ADGRL3: variants seen among roughly 807,000 people sequenced by gnomAD.
ADGRL3 encodes calcium-independent alpha-latrotoxin receptor 3.
Under a neutral mutation model 153.5 loss-of-function variants are expected in ADGRL3, and 62 were observed. The ratio of observed to expected loss-of-function variants is 0.40; its 90% CI spans 0.33 to 0.50. The LOEUF is 0.50. Ranked by LOEUF, ADGRL3 falls within the 20% of genes least tolerant of loss-of-function variation. The pLI, the probability that ADGRL3 is intolerant of heterozygous loss-of-function variation, is 0.47. For synonymous variants in ADGRL3, 710 were observed against 672.5 expected (o/e 1.06, Z -0.86); for missense variants, 1,641 against 1,859.4 (o/e 0.88, Z 2.16).
chr4:61,677,042 G>GA lies in ADGRL3; in HGVS notation c.583+113dup, dbSNP rs1346313748. The GA allele has an allele frequency of 3.9e-6, 3 of 778,146 alleles. No individual in the cohort carries two copies. The East Asian group carries it at 7.5e-5, about 19-fold the overall frequency. 48.2% of individuals were successfully genotyped at this position (778,146 alleles called of 1,614,324 possible). The stretch of plus-strand genomic sequence containing the variant: ...AAAACATAAATCACGTAAATTAAAT[G>GA]AAAAAATTGGCTAATATTAATTTTT... On this transcript the variant is annotated intron_variant, in intron 6 of 26. Coordinates refer to ENST00000683033, the MANE Select transcript of ADGRL3 (RefSeq NM_001387552.1).
chr4:61,324,127 T>C (rs2150824196), intron 1 of ADGRL3, among the ~76,000 whole-genome samples: 1 of 152,204 alleles, frequency 6.6e-6, no homozygotes, highest in South Asian at 2.1e-4. Flanking sequence ...ACAAGAACAC[T>C]GCCCCCATGA....
At chr4:61,974,906 C>G (rs116304824) in intron 17 of ADGRL3, among the ~76,000 whole-genome samples, 2 of 152,048 alleles carry the variant, frequency 1.3e-5, no homozygotes, top group African/African-American at 4.8e-5. Context: ...GGAAGAGTCC[C>G]AAGGACTGTT....
intron 5 of ADGRL3, among the ~76,000 whole-genome samples, chr4:61,645,770 T>A (rs2093948774): frequency 6.6e-6 from 1 of 151,920 alleles, no homozygotes; most frequent in Admixed American, 6.6e-5. Context: ...TGTCTTGGAG[T>A]TGCTCTTCTT....
chr4:61,329,323 T>G (rs1236762321), intron 1 of ADGRL3, among the ~76,000 whole-genome samples: 2 of 152,188 alleles, frequency 1.3e-5, no homozygotes, highest in East Asian at 1.9e-4. Flanking sequence ...TTGTATTATT[T>G]CTTGTACTTA....
At chr4:61,536,125 ATGT>A (rs1360694024) in intron 4 of ADGRL3, among the ~76,000 whole-genome samples, 2 of 151,916 alleles carry the variant, frequency 1.3e-5, no homozygotes, top group Non-Finnish European at 2.9e-5. Flanking sequence ...TGCTGCCTTA[ATGT>A]TGTTGTTTAT....
At chr4:61,635,337 G>A (rs1331588373) in intron 5 of ADGRL3, among the ~76,000 whole-genome samples, 5 of 152,100 alleles carry the variant, frequency 3.3e-5, no homozygotes, top group African/African-American at 7.2e-5. Context: ...TCTTCCATTC[G>A]GGGAGGGAGA....
intron 11 of ADGRL3, among the ~76,000 whole-genome samples, chr4:61,903,929 AT>A (rs563626463): frequency 6.0e-5 from 9 of 149,142 alleles, no homozygotes; most frequent in South Asian, 2.1e-4. Context: ...GCCCTGAGAA[AT>A]TTTTTTTTTC....
chr4:61,662,521 G>A (rs1330502064), intron 5 of ADGRL3, among the ~76,000 whole-genome samples: 1 of 152,228 alleles, frequency 6.6e-6, no homozygotes, highest in Non-Finnish European at 1.5e-5. Context: ...GGGTGCCAAT[G>A]AGCATGGGAG....
chr4:61,385,451 T>C (rs2096725084), intron 2 of ADGRL3: 1 of 152,216 alleles, frequency 6.6e-6, no homozygotes, highest in Non-Finnish European at 1.5e-5. Flanking sequence ...CACCCCTTGC[T>C]CTTTCACAAA....
rs184292520 is a variant in ADGRL3, at chr4:61,485,281, G to C, written c.-173-11840G>C. ...TGGGAAAATTATATTGCGATATTTT[G>C]TGAATTGCAAAAGAGACCACATTTC... is the stretch of plus-strand genomic sequence containing the variant. On this transcript the variant is annotated intron_variant, in intron 2 of 26. Transcript: ENST00000683033. Among the ~76,000 whole-genome samples, 11 of 152,218 alleles carry C rather than the reference G, an allele frequency of 7.2e-5. No homozygotes were observed. In the East Asian group the frequency reaches 2.1e-3, roughly 29 times the overall value.
At chr4:61,847,353 A>G (rs2098129067) in intron 9 of ADGRL3, among the ~76,000 whole-genome samples, 1 of 151,000 alleles carries the variant, frequency 6.6e-6, no homozygotes, top group African/African-American at 2.4e-5. Context: ...AAGAAGTATT[A>G]TACCAAGTTA....
At chr4:61,806,908 CT>C (rs1277098835) in intron 8 of ADGRL3, among the ~76,000 whole-genome samples, 2 of 152,066 alleles carry the variant, frequency 1.3e-5, no homozygotes, top group African/African-American at 2.4e-5. Flanking sequence ...ACAATGTCTG[CT>C]TTGTGTTTGT....
At chr4:62,008,330 G>A (rs536985143) in intron 21 of ADGRL3, among the ~76,000 whole-genome samples, 4 of 151,852 alleles carry the variant, frequency 2.6e-5, no homozygotes, top group African/African-American at 9.7e-5. Flanking sequence ...ATTGAAAAGA[G>A]AGTAGAAATT....
At chr4:61,509,075 A>C (rs2098448018) in intron 3 of ADGRL3, among the ~76,000 whole-genome samples, 1 of 151,276 alleles carries the variant, frequency 6.6e-6, no homozygotes. Flanking sequence ...ATGGGAGTAC[A>C]ATTCAAGACG....
chr4:62,005,924 A>G (rs549051271), intron 21 of ADGRL3, among the ~76,000 whole-genome samples: 33 of 142,374 alleles, frequency 2.3e-4, no homozygotes, highest in East Asian at 1.2e-3. Flanking sequence ...AAAATTTGCT[A>G]GTTTTTATTT....
intron 9 of ADGRL3, among the ~76,000 whole-genome samples, chr4:61,886,524 T>G (rs1374605729): frequency 6.6e-6 from 1 of 152,026 alleles, no homozygotes; most frequent in South Asian, 2.1e-4. Flanking sequence ...AAGGTACATA[T>G]TTAGAGAGGA....
At chr4:61,506,656 A>C (rs1485302010) in intron 3 of ADGRL3, among the ~76,000 whole-genome samples, 1 of 152,178 alleles carries the variant, frequency 6.6e-6, no homozygotes, top group African/African-American at 2.4e-5. Context: ...AGTTTGAAAA[A>C]ATTGAATAGT....
chr4:61,779,632 TCAAAAA>T (rs78502134), intron 8 of ADGRL3, among the ~76,000 whole-genome samples: 1 of 41,728 alleles, frequency 2.4e-5, no homozygotes, highest in Non-Finnish European at 4.1e-5. Context: ...AGACTCTGTC[TCAAAAA>T]AAAAAAAAAA....
At chr4:61,817,714 C>A (rs192923419) in intron 9 of ADGRL3, among the ~76,000 whole-genome samples, 1 of 152,066 alleles carries the variant, frequency 6.6e-6, no homozygotes, top group Non-Finnish European at 1.5e-5. Flanking sequence ...CACATGGCTG[C>A]GGAGGGCTCA....
Sources: gnomAD v4.1 joint callset for allele counts (sites outside exome capture counted in the v4.1 genomes callset) on GRCh38, gnomAD v4.1.1 for gene constraint, MANE v1.5 for transcripts, NCBI Gene and HGNC (gene_info 2026-07-23, HGNC 2026-07-21) for gene names.